The following COL4A2 variants were observed in gnomAD, a reference collection of about 807,000 sequenced individuals.
COL4A2 encodes the protein collagen alpha-2(IV) chain.
COL4A2 carries 99 observed loss-of-function variants against 200.2 expected under a neutral mutation model. The observed-to-expected ratio is 0.49, with a 90% CI of 0.42 to 0.58. The LOEUF (loss-of-function observed/expected upper bound fraction) is 0.58. Among genes scored for constraint, COL4A2 ranks in the 20% least tolerant of loss-of-function variants. The probability of loss-of-function intolerance (pLI) is 0.00; values close to 1 mark genes in which losing one functional copy is unlikely to be tolerated. For missense variants in COL4A2, 1,950 were observed against 2,314.1 expected (o/e 0.84, Z 3.23); for synonymous variants, 897 against 900.6 (o/e 1.00, Z 0.07).
intron 21 of COL4A2, 46 bp from the exon 22 acceptor site, chr13:110,458,724 CT>C (rs781650988): frequency 6.2e-7 from 1 of 1,611,032 alleles, no homozygotes; most frequent in Non-Finnish European, 8.5e-7. Flanking sequence ...CCCCGCCACG[CT>C]AAGAGGAATG....
At chr13:110,406,803 G>A (rs374795367) in intron 4 of COL4A2, among the ~76,000 whole-genome samples, 5 of 152,144 alleles carry the variant, frequency 3.3e-5, no homozygotes, top group Admixed American at 2.0e-4. Context: ...ACATCTGTGC[G>A]TGTGTGTATA....
In COL4A2 at chr13:110,338,223, G is replaced by C. The variant is rs370178912; in HGVS notation, c.100-19249G>C. 7.3e-4 allele frequency among the ~76,000 whole-genome samples: 111 copies of C among 152,324 alleles called. 1 individual carries two copies. In the South Asian group the frequency reaches 0.017, roughly 24 times the overall value. On this transcript the variant is annotated intron_variant, in intron 3 of 47. Coordinates refer to ENST00000360467, the MANE Select transcript of COL4A2 (RefSeq NM_001846.4). Reference sequence around the variant, plus strand: ...AAGTGTCTTTCATCAATTTAAGAGAGAAGGGAATAGTCTGTTAAGGCTGAG... The same window carrying C: ...AAGTGTCTTTCATCAATTTAAGAGACAAGGGAATAGTCTGTTAAGGCTGAG...
At chr13:110,464,455 C>T (rs538456931) in intron 24 of COL4A2, among the ~76,000 whole-genome samples, 42 of 152,310 alleles carry the variant, frequency 2.8e-4, no homozygotes, top group Middle Eastern at 3.4e-3. Context: ...TGGCATCATC[C>T]CCACTGCTGT....
At chr13:110,481,618 C>CCGTTGCTGGAGACACACAGTTCTGTCCT (rs1382550489) in intron 31 of COL4A2, among the ~76,000 whole-genome samples, 2 of 27,148 alleles carry the variant, frequency 7.4e-5, no homozygotes, top group Non-Finnish European at 7.5e-5. Context: ...TGTTCTGTCC[C>CCGTTGCTGGAGACACACAGTTCTGTCCT]TCCGTTGCTG....
At chr13:110,381,810 T>A (rs1878504434) in intron 4 of COL4A2, among the ~76,000 whole-genome samples, 1 of 152,190 alleles carries the variant, frequency 6.6e-6, no homozygotes, top group South Asian at 2.1e-4. Context: ...CATCATCATC[T>A]TCATATCATC....
intron 20 of COL4A2, chr13:110,456,472 A>C (rs7996349): frequency 0.56 from 177,702 of 318,704 alleles, 51,387 homozygotes; most frequent in Middle Eastern, 0.66. Context: ...TTACATGATC[A>C]AAAAATCAAA....
chr13:110,473,761 A>G (rs1331544589), intron 29 of COL4A2, among the ~76,000 whole-genome samples: 1 of 152,200 alleles, frequency 6.6e-6, no homozygotes, highest in Non-Finnish European at 1.5e-5. Flanking sequence ...CATGGACAGC[A>G]AATGTTCACA....
chr13:110,360,406 A>C (rs1349463232), intron 4 of COL4A2, among the ~76,000 whole-genome samples: 1 of 152,202 alleles, frequency 6.6e-6, no homozygotes, highest in Non-Finnish European at 1.5e-5. Flanking sequence ...TAGCTAGTTC[A>C]GATTATTTCA....
intron 18 of COL4A2, among the ~76,000 whole-genome samples, chr13:110,448,421 C>T (rs934988794): frequency 2.4e-4 from 36 of 152,130 alleles, no homozygotes; most frequent in African/African-American, 7.5e-4. Flanking sequence ...GGTTGCCTGC[C>T]GCCTTTTCTA....
Position 110,455,968 on chromosome 13 carries a change from GT to G in COL4A2, c.1340-1374del, listed in dbSNP as rs368258178. ...GGAGCTCTGGCCCTATTATTTAACA[GT>G]GAGGAGGACAGATAGCTGCAGGGCA... On this transcript the variant is annotated intron_variant, in intron 20 of 47. Coordinates refer to ENST00000360467, the MANE Select transcript of COL4A2 (RefSeq NM_001846.4). Among the ~76,000 whole-genome samples the G allele has an allele frequency of 2.0e-3, 312 of 152,306 alleles. 1 individual carries two copies. The highest frequency in any genetic ancestry group is 7.1e-3 in the African/African-American group (297 of 41,562).
At chr13:110,378,767 C>T (rs114483912) in intron 4 of COL4A2, among the ~76,000 whole-genome samples, 1,995 of 152,334 alleles carry the variant, frequency 0.013, 21 homozygotes, top group Middle Eastern at 0.048. Context: ...GCAAACCCTT[C>T]GAACCACTGG....
intron 4 of COL4A2, among the ~76,000 whole-genome samples, chr13:110,406,914 C>T (rs938060721): frequency 6.6e-6 from 1 of 152,158 alleles, no homozygotes; most frequent in Non-Finnish European, 1.5e-5. Context: ...AGGTAGAGGA[C>T]CAGAGTCTGC....
At chr13:110,502,865 T>G in intron 41 of COL4A2, 2 of 421,688 alleles carry the variant, frequency 4.7e-6, no homozygotes, top group Non-Finnish European at 8.5e-6. Flanking sequence ...CAGTTTAGGA[T>G]GAGAAAGTTC....
chr13:110,321,488 A>G (rs1480806529), intron 3 of COL4A2, among the ~76,000 whole-genome samples: 1 of 152,044 alleles, frequency 6.6e-6, no homozygotes, highest in Non-Finnish European at 1.5e-5. Context: ...TCTGCATCCC[A>G]TCCTTCCCCC....
intron 4 of COL4A2, among the ~76,000 whole-genome samples, chr13:110,409,586 G>A (rs1879752467): frequency 6.6e-6 from 1 of 152,228 alleles, no homozygotes; most frequent in African/African-American, 2.4e-5. Flanking sequence ...AAGTGCTGTT[G>A]GGAAGAACCA....
chr13:110,508,418 T>C lies in COL4A2; in HGVS notation c.4881+197T>C. On this transcript the variant is annotated intron_variant, in intron 47 of 47. Transcript: ENST00000360467. The surrounding 1 kb of genome is among the most constrained non-coding windows in gnomAD (Gnocchi z 6.1). ...TGAGCCACATGCTGGGCACAGGGCT[T>C]CCTCCACCCAGAAAGGGCTCATTAA... is the stretch of plus-strand genomic sequence containing the variant. The C allele has an allele frequency of 1.2e-6, 1 of 840,232 alleles. No homozygotes were observed. The highest frequency in any genetic ancestry group is 1.8e-6 in the Non-Finnish European group (1 of 554,972). The allele number at this position is 840,232 out of a possible 1,614,324, so 52.0% of individuals were successfully genotyped here. A position where few individuals can be genotyped will look rare whatever the true frequency, so the allele number is the denominator to read the frequency against.
chr13:110,488,205 A>G (rs887254765), intron 34 of COL4A2, among the ~76,000 whole-genome samples: 1 of 152,108 alleles, frequency 6.6e-6, no homozygotes, highest in African/African-American at 2.4e-5. Context: ...TTGTATTTTT[A>G]GTAGAGACAG....
intron 4 of COL4A2, among the ~76,000 whole-genome samples, chr13:110,423,721 G>C (rs1030002736): frequency 2.0e-5 from 3 of 152,042 alleles, no homozygotes; most frequent in African/African-American, 4.8e-5. Context: ...GCCTCCCCCT[G>C]TCCCTCTCTG....
chr13:110,335,423 A>T (rs1409783618), intron 3 of COL4A2, among the ~76,000 whole-genome samples: 2 of 152,096 alleles, frequency 1.3e-5, no homozygotes, highest in Non-Finnish European at 2.9e-5. Context: ...CTGATGGTTT[A>T]ATAAGGGGAA....
Sources: allele counts gnomAD v4.1 joint callset (sites outside exome capture counted in the v4.1 genomes callset), GRCh38; gene constraint gnomAD v4.1.1; non-coding constraint Gnocchi (gnomAD v3.1); transcripts MANE v1.5; gene names NCBI Gene and HGNC (gene_info 2026-07-23, HGNC 2026-07-21).